The following DNAH8 variants were observed in gnomAD, a reference collection of about 807,000 sequenced individuals.
The protein encoded by DNAH8 is dynein axonemal heavy chain 8, also known as axonemal beta dynein heavy chain 8.
DNAH8 carries 382 observed loss-of-function variants against 562.1 expected under a neutral mutation model. That is an observed-to-expected ratio of 0.68 (90% CI 0.63 to 0.74). DNAH8 has a LOEUF of 0.74. Among genes scored for constraint, DNAH8 ranks in the 30% least tolerant of loss-of-function variants. The pLI, the probability that DNAH8 is intolerant of heterozygous loss-of-function variation, is 0.00. For synonymous variants in DNAH8, 1,881 were observed against 1,919.4 expected (o/e 0.98, Z 0.52); for missense variants, 5,203 against 5,620.4 (o/e 0.93, Z 2.37).
intron 92 of DNAH8, among the ~76,000 whole-genome samples, chr6:39,028,872 CA>C (rs1204450795): frequency 1.3e-5 from 2 of 152,148 alleles, no homozygotes; most frequent in Non-Finnish European, 2.9e-5. Flanking sequence ...GTTTTTGGTT[CA>C]AAAAACACAG....
chr6:38,848,670 A>T lies in DNAH8; in HGVS notation c.5068A>T (p.Asn1690Tyr), dbSNP rs374665832. ...TAGATACAATGCTCCATTTAAAAAAAATATCCAGAATTGGGTGTATAAATT... is the reference window on the plus strand; with the variant it reads ...TAGATACAATGCTCCATTTAAAAAATATATCCAGAATTGGGTGTATAAATT... ...SNRYNAPFKKNIQNWVYKLST... is the reference protein window; with the variant it reads ...SNRYNAPFKKYIQNWVYKLST... Residue 1690 changes from asparagine to tyrosine, a missense_variant, in exon 37 of 93, where the codon AAT becomes TAT. Around this residue, in one of 6 missense-constraint regions of DNAH8, gnomAD observed 2,176 missense variants for 2,365.1 expected, o/e 0.92. Coordinates refer to ENST00000327475, the MANE Select transcript of DNAH8 (RefSeq NM_001206927.2). 10 of 1,610,852 alleles carry T rather than the reference A, an allele frequency of 6.2e-6. No homozygotes were observed. Among genetic ancestry groups the T allele is most frequent in the African/African-American group, 1.3e-5 (1 of 74,786 alleles).
intron 82 of DNAH8, among the ~76,000 whole-genome samples, chr6:38,959,933 G>A (rs1190915409): frequency 1.3e-5 from 2 of 151,952 alleles, no homozygotes; most frequent in Non-Finnish European, 2.9e-5. Context: ...GGCCAATGGA[G>A]CAGAATAGAG....
chr6:38,936,224 G>A (rs759386116), intron 77 of DNAH8: 1 of 152,134 alleles, frequency 6.6e-6, no homozygotes, highest in African/African-American at 2.4e-5. Context: ...TTGAAATGCA[G>A]TTATTGCAAC....
In DNAH8 at chr6:38,823,409, C is replaced by T. The variant is rs79008144; in HGVS notation, c.3721-153C>T. Among the ~76,000 whole-genome samples, 231 of 152,304 alleles carry T rather than the reference C, an allele frequency of 1.5e-3. 2 individuals carry two copies. The highest frequency in any genetic ancestry group is 5.4e-3 in the African/African-American group (223 of 41,560). On this transcript the variant is annotated intron_variant, in intron 27 of 92. Coordinates refer to ENST00000327475, the MANE Select transcript of DNAH8 (RefSeq NM_001206927.2). ...ATGCCCTGCAGACTGTGAAATTCCT[C>T]GCTTCCTGGTGGACACCCTATTTCT...
chr6:38,980,178 C>T (rs548960619), intron 85 of DNAH8, among the ~76,000 whole-genome samples: 1 of 152,082 alleles, frequency 6.6e-6, no homozygotes, highest in Non-Finnish European at 1.5e-5. Context: ...TGGTAATAAT[C>T]GACCAGTGTT....
intron 22 of DNAH8, 101 bp downstream of exon 22, chr6:38,803,412 C>T: frequency 5.0e-6 from 4 of 792,258 alleles, no homozygotes; most frequent in Non-Finnish European, 6.0e-6. Flanking sequence ...ACCCTCCCTT[C>T]CCCAGAAGCA....
chr6:38,899,884 A>G lies in DNAH8; in HGVS notation c.9172A>G (p.Ile3058Val). 3 of 1,603,688 alleles carry G rather than the reference A, an allele frequency of 1.9e-6. No homozygotes were observed. The highest frequency in any genetic ancestry group is 2.6e-6 in the Non-Finnish European group (3 of 1,176,428). ...GGCCTCTTTTATTGCTGGCTATCAA[A>G]TATTCCAGATAACATTAACCAGGTA... ...RLASFIAGYQIFQITLTRSYN... is the reference protein window; with the variant it reads ...RLASFIAGYQVFQITLTRSYN... The change falls in exon 62 of 93, where the codon ATA becomes GTA. Residue 3058 changes from isoleucine (I) to valine (V), a missense_variant. Ile to Val is a conservative substitution (Grantham distance 29). Coordinates refer to ENST00000327475, the MANE Select transcript of DNAH8 (RefSeq NM_001206927.2).
At chr6:38,857,907 A>G (rs1436348507) in intron 42 of DNAH8, among the ~76,000 whole-genome samples, 165 bp downstream of exon 42, 1 of 152,218 alleles carries the variant, frequency 6.6e-6, no homozygotes, top group East Asian at 1.9e-4. Flanking sequence ...GATGGCTTAA[A>G]CAACCATATT....
intron 17 of DNAH8, among the ~76,000 whole-genome samples, chr6:38,785,526 T>C (rs1229018325): frequency 6.6e-6 from 1 of 152,176 alleles, no homozygotes; most frequent in Non-Finnish European, 1.5e-5. Context: ...TATTTATTTA[T>C]TTTTATTTTA....
intron 1 of DNAH8, among the ~76,000 whole-genome samples, chr6:38,717,858 C>G (rs1029410791): frequency 6.6e-6 from 1 of 151,788 alleles, no homozygotes; most frequent in South Asian, 2.1e-4. Context: ...TATGTAACTG[C>G]ATAAAGAAAA....
chr6:38,765,903 A>G (rs1766936544), intron 11 of DNAH8, among the ~76,000 whole-genome samples: 1 of 152,208 alleles, frequency 6.6e-6, no homozygotes, highest in Non-Finnish European at 1.5e-5. Flanking sequence ...AACATAGTAT[A>G]GAGGTTCCCC....
chr6:39,024,911 A>T (rs1300195236), intron 91 of DNAH8, among the ~76,000 whole-genome samples: 3 of 151,910 alleles, frequency 2.0e-5, no homozygotes, highest in Non-Finnish European at 2.9e-5. Context: ...TGATTGGTCA[A>T]CTCTTCTTTT....
chr6:38,732,284 C>G (rs916190269), intron 4 of DNAH8, among the ~76,000 whole-genome samples: 23 of 152,268 alleles, frequency 1.5e-4, no homozygotes, highest in African/African-American at 4.6e-4. Context: ...TTAAGCTTGT[C>G]TTATGTCTTA....
intron 79 of DNAH8, among the ~76,000 whole-genome samples, chr6:38,942,882 T>A (rs906733190): frequency 6.6e-6 from 1 of 152,162 alleles, no homozygotes; most frequent in African/African-American, 2.4e-5. Flanking sequence ...TGAAAGAGAC[T>A]GGGTTATTTG....
intron 91 of DNAH8, among the ~76,000 whole-genome samples, chr6:39,017,577 G>A (rs767406352): frequency 1.3e-5 from 2 of 152,110 alleles, no homozygotes; most frequent in Non-Finnish European, 2.9e-5. Context: ...GTTATTTTCC[G>A]AACGTTTAGC....
In DNAH8 at chr6:38,907,336, T is replaced by A. The variant is rs1396860365; in HGVS notation, c.9349-620T>A. Among the ~76,000 whole-genome samples, 6 of 152,208 alleles carry A rather than the reference T, an allele frequency of 3.9e-5. No homozygotes were observed. The East Asian group carries it at 9.6e-4, about 24-fold the overall frequency. ...GATTCAGAGTCCAGTGGTTTTTTTT[T>A]AGGTTTGGTCACTTCCTGCCTAGCT... is the stretch of plus-strand genomic sequence containing the variant. On this transcript the variant is annotated intron_variant, in intron 63 of 92. Transcript: ENST00000327475.
intron 82 of DNAH8, among the ~76,000 whole-genome samples, chr6:38,957,600 AT>A (rs1762327642): frequency 7.2e-6 from 1 of 139,088 alleles, no homozygotes; most frequent in Non-Finnish European, 1.7e-5. Flanking sequence ...GTCTTAACAA[AT>A]TAAAAAAAAC....
At chr6:38,944,910 T>A (rs1210640600) in intron 79 of DNAH8, among the ~76,000 whole-genome samples, 1 of 151,970 alleles carries the variant, frequency 6.6e-6, no homozygotes, top group African/African-American at 2.4e-5. Context: ...ATTCCCCCCC[T>A]CTTTTTATCC....
intron 91 of DNAH8, among the ~76,000 whole-genome samples, chr6:39,025,938 T>G (rs906433709): frequency 6.6e-6 from 1 of 152,254 alleles, no homozygotes; most frequent in African/African-American, 2.4e-5. Flanking sequence ...AAATATTAAC[T>G]TCAAAGAAAA....
Sources: allele counts gnomAD v4.1 joint callset (sites outside exome capture counted in the v4.1 genomes callset), GRCh38; gene constraint gnomAD v4.1.1; regional missense constraint gnomAD v4.1.1; transcripts MANE v1.5; gene names NCBI Gene and HGNC (gene_info 2026-07-23, HGNC 2026-07-21).